MATN2: variants seen among roughly 807,000 people sequenced by gnomAD.
The protein encoded by MATN2 is matrilin 2, also known as matrilin-2.
In MATN2, 69 loss-of-function variants were observed where a neutral mutation model predicts 103.2. The observed-to-expected ratio is 0.67, with a 90% CI of 0.55 to 0.82. The LOEUF is 0.82. Ranked by LOEUF, MATN2 falls within the 40% of genes least tolerant of loss-of-function variation. The probability of loss-of-function intolerance (pLI) is 0.00; values close to 1 mark genes in which losing one functional copy is unlikely to be tolerated. For synonymous variants in MATN2, 429 were observed against 450.2 expected, an observed-to-expected ratio of 0.95 and a Z score of 0.60; for missense variants, 1,023 against 1,211.5, an observed-to-expected ratio of 0.84 and a Z score of 2.31.
intron 4 of MATN2, among the ~76,000 whole-genome samples, chr8:97,945,079 TTC>T (rs1326503952): frequency 6.6e-6 from 1 of 152,194 alleles, no homozygotes; most frequent in Non-Finnish European, 1.5e-5. Context: ...CACAGCAATA[TTC>T]TTTCTTTTTT....
chr8:97,949,795 G>A (rs961230323), intron 4 of MATN2, among the ~76,000 whole-genome samples: 4 of 152,258 alleles, frequency 2.6e-5, no homozygotes, highest in African/African-American at 9.6e-5. Context: ...TGCAATACAC[G>A]CATCCTGTAT....
chr8:98,000,659 T>C (rs189622074), intron 7 of MATN2, among the ~76,000 whole-genome samples: 9 of 151,246 alleles, frequency 6.0e-5, no homozygotes, highest in East Asian at 5.8e-4. Flanking sequence ...AATGAAGTTA[T>C]GTTTGTAAAG....
chr8:97,955,300 G>A (rs1811108382), intron 4 of MATN2, among the ~76,000 whole-genome samples: 1 of 152,176 alleles, frequency 6.6e-6, no homozygotes, highest in South Asian at 2.1e-4. Flanking sequence ...ATGAATACAG[G>A]AAAACCAGTT....
Position 97,931,404 on chromosome 8 carries a change from G to C in MATN2, c.594G>C (p.Gln198His). The C allele has an allele frequency of 6.2e-7, 1 of 1,613,760 alleles. No homozygotes were observed. Among genetic ancestry groups the C allele is most frequent in the South Asian group, 1.1e-5 (1 of 91,088 alleles). The change falls in exon 3 of 19, where the codon CAG becomes CAC. Residue 198 changes from glutamine (Q) to histidine (H), a missense_variant. Coordinates refer to ENST00000254898, the MANE Select transcript of MATN2 (RefSeq NM_002380.5). The surrounding 1 kb of genome is among the most constrained non-coding windows in gnomAD (Gnocchi z 4.1). ...TAATCTTTGCCATTGGTGTGGGCCAGGTAGACTTCAACACCTTGAAGTCCA... is the reference window on the plus strand; with the variant it reads ...TAATCTTTGCCATTGGTGTGGGCCACGTAGACTTCAACACCTTGAAGTCCA... ...GILIFAIGVG[Q>H]VDFNTLKSIG...
At chr8:98,014,832 GTGTGTGGTT>G (rs893618293) in intron 10 of MATN2, among the ~76,000 whole-genome samples, 1 of 152,166 alleles carries the variant, frequency 6.6e-6, no homozygotes, top group African/African-American at 2.4e-5. Flanking sequence ...ACCAAAAAAA[GTGTGTGGTT>G]TGTGCCTGAT....
chr8:97,947,108 A>T (rs1483830016), intron 4 of MATN2, among the ~76,000 whole-genome samples: 1 of 152,216 alleles, frequency 6.6e-6, no homozygotes, highest in Non-Finnish European at 1.5e-5. Flanking sequence ...GTGGTGGCTC[A>T]TGCCTGCAAT....
intron 2 of MATN2, among the ~76,000 whole-genome samples, chr8:97,909,529 C>T (rs1819288873): frequency 6.6e-6 from 1 of 152,178 alleles, no homozygotes; most frequent in Non-Finnish European, 1.5e-5. Context: ...GGTGACTCTT[C>T]TTCACATACC....
At position 98,021,263 on chromosome 8, in the gene MATN2, G is replaced by C. The variant is rs1813580310; in HGVS notation, c.1878G>C (p.Gly626=). The change falls in exon 13 of 19, where the codon GGG becomes GGC. Residue 626 remains glycine, a synonymous_variant. Transcript: ENST00000254898. The stretch of plus-strand genomic sequence containing the variant: ...GCGAACACATTTGTGTTAATAATGG[G>C]AATTCCTACATCTGCAAATGCTCAG... ...HGCEHICVNN[G]NSYICKCSEG... The C allele has an allele frequency of 8.1e-6, 13 of 1,613,724 alleles. No individual in the cohort carries two copies. Among genetic ancestry groups the C allele is most frequent in the Non-Finnish European group, 1.1e-5 (13 of 1,179,708 alleles).
rs1810577751 is a variant in MATN2, at chr8:97,941,801, A to T, written c.737A>T (p.Glu246Val). Residue 246 changes from glutamate (E) to valine (V), a missense_variant, in exon 4 of 19, where the codon GAG becomes GTG. Physicochemically the swap from Glu to Val is moderately radical, Grantham distance 121. Transcript: ENST00000254898. ...GCGGCCCATATGTGCAGCACCCTGGAGCATAACTGTGCCCACTTCTGCATC... is the reference window on the plus strand; with the variant it reads ...GCGGCCCATATGTGCAGCACCCTGGTGCATAACTGTGCCCACTTCTGCATC... The part of the protein sequence containing the change: ...LCTAHMCSTL[E>V]HNCAHFCINI... The T allele has an allele frequency of 6.2e-7, 1 of 1,606,682 alleles. No individual in the cohort carries two copies.
chr8:97,941,214 G>T (rs1257650857), intron 3 of MATN2, among the ~76,000 whole-genome samples: 2 of 145,028 alleles, frequency 1.4e-5, no homozygotes, highest in African/African-American at 5.1e-5. Context: ...ATGCTAAATA[G>T]GTATCTTAAA....
chr8:97,954,812 A>G (rs947550455), intron 4 of MATN2, among the ~76,000 whole-genome samples: 1 of 152,226 alleles, frequency 6.6e-6, no homozygotes, highest in Non-Finnish European at 1.5e-5. Flanking sequence ...TGGCTGCCCT[A>G]TGTGGCAGGT....
intron 1 of MATN2, 97 bp from the exon 2 acceptor site, chr8:97,887,978 A>G: frequency 8.4e-7 from 1 of 1,187,324 alleles, no homozygotes; most frequent in Non-Finnish European, 1.2e-6. Flanking sequence ...GGTCTGTTTG[A>G]ACTCTGAAAA....
At chr8:97,969,263 C>T (rs200841220) in intron 5 of MATN2, among the ~76,000 whole-genome samples, 205 of 152,300 alleles carry the variant, frequency 1.3e-3, no homozygotes, top group African/African-American at 4.3e-3. Flanking sequence ...ACCTGTAACA[C>T]GGGGGATCAC....
chr8:98,002,651 A>G (rs938448566), intron 7 of MATN2, among the ~76,000 whole-genome samples: 6 of 152,180 alleles, frequency 3.9e-5, no homozygotes, highest in African/African-American at 7.2e-5. Context: ...GCTCAGCTCA[A>G]CTGAGCCTTG....
chr8:97,980,144 TG>T (rs1325788314), intron 6 of MATN2, among the ~76,000 whole-genome samples: 4 of 152,014 alleles, frequency 2.6e-5, no homozygotes, highest in African/African-American at 9.7e-5. Context: ...AAGGGTGAGG[TG>T]GGGGTTCCAG....
chr8:97,888,666 T>A (rs1415404728), intron 2 of MATN2, among the ~76,000 whole-genome samples: 4 of 152,084 alleles, frequency 2.6e-5, no homozygotes, highest in South Asian at 4.1e-4. Context: ...GTGAACTGAA[T>A]CGAGGTATTA....
intron 1 of MATN2, among the ~76,000 whole-genome samples, chr8:97,887,301 G>A (rs747207849): frequency 6.6e-6 from 1 of 152,018 alleles, no homozygotes; most frequent in Non-Finnish European, 1.5e-5. Context: ...TTCTATCTAG[G>A]CCTCCTAAAG....
At chr8:98,019,728 T>C (rs886183539) in intron 12 of MATN2, among the ~76,000 whole-genome samples, 2 of 152,164 alleles carry the variant, frequency 1.3e-5, no homozygotes, top group African/African-American at 2.4e-5. Context: ...TAATTCCCTA[T>C]TTTGGGGGGA....
rs2130453563 is a variant in MATN2 at position 98,030,566 on chromosome 8, A to G, written c.2461A>G (p.Ser821Gly). 6.2e-7 allele frequency: 1 copy of G among 1,613,958 alleles called. No homozygotes were observed. Among genetic ancestry groups the G allele is most frequent in the East Asian group, 2.2e-5 (1 of 44,888 alleles). The change falls in exon 15 of 19, where the codon AGC (serine) becomes GGC (glycine). Residue 821 changes from serine to glycine, a missense_variant. By Grantham distance (56) the Ser-to-Gly change is moderately conservative. Transcript: ENST00000254898. Reference sequence around the variant, plus strand: ...GCATCTCTTCTATGCCGAAGACTTCAGCACAATGGATGAGATAAGTGAAAA... The same window carrying G: ...GCATCTCTTCTATGCCGAAGACTTCGGCACAATGGATGAGATAAGTGAAAA... ...NKHLFYAEDFSTMDEISEKLK... is the reference protein window; with the variant it reads ...NKHLFYAEDFGTMDEISEKLK...
Sources: allele counts gnomAD v4.1 joint callset (sites outside exome capture counted in the v4.1 genomes callset), GRCh38; gene constraint gnomAD v4.1.1; non-coding constraint Gnocchi (gnomAD v3.1); transcripts MANE v1.5; gene names NCBI Gene and HGNC (gene_info 2026-07-23, HGNC 2026-07-21).